Variants in DYM observed in about 807,000 individuals in gnomAD.
DYM encodes the protein dyggve-Melchior-Clausen syndrome protein.
Under a neutral mutation model 93.1 loss-of-function variants are expected in DYM, and 78 were observed. The ratio of observed to expected loss-of-function variants is 0.84; its 90% CI spans 0.70 to 1.01. The LOEUF (loss-of-function observed/expected upper bound fraction) is 1.01. DYM is among the 50% of genes least tolerant of loss of function. DYM has a pLI of 0.00. For missense variants in DYM, 789 were observed against 845.0 expected (o/e 0.93, Z 0.82); for synonymous variants, 321 against 319.7 (o/e 1.00, Z -0.04).
intron 10 of DYM, among the ~76,000 whole-genome samples, chr18:49,279,677 C>T (rs1453090900): frequency 6.6e-6 from 1 of 152,174 alleles, no homozygotes; most frequent in African/African-American, 2.4e-5. Context: ...AGGTTTCCTG[C>T]TTATTGCCAA....
At chr18:49,205,112 C>T in intron 14 of DYM, among the ~76,000 whole-genome samples, 1 of 152,236 alleles carries the variant, frequency 6.6e-6, no homozygotes, top group East Asian at 1.9e-4. Flanking sequence ...AGGCATGTAC[C>T]ACTACACCCA....
intron 14 of DYM, among the ~76,000 whole-genome samples, chr18:49,165,665 T>A (rs1347592160): frequency 6.6e-6 from 1 of 152,184 alleles, no homozygotes; most frequent in Admixed American, 6.5e-5. Context: ...ATGAATATTA[T>A]TTACATTTAT....
At chr18:49,171,799 C>A (rs2088772760) in intron 14 of DYM, among the ~76,000 whole-genome samples, 1 of 152,134 alleles carries the variant, frequency 6.6e-6, no homozygotes, top group Non-Finnish European at 1.5e-5. Flanking sequence ...GCTTCTGAAC[C>A]ACTGGTGGTC....
chr18:49,293,588 C>T (rs1422705583), intron 8 of DYM, among the ~76,000 whole-genome samples: 2 of 151,918 alleles, frequency 1.3e-5, no homozygotes, highest in Admixed American at 6.6e-5. Context: ...TGATGATGAG[C>T]TTTCATATGT....
chr18:49,080,765 G>A (rs183952928), intron 17 of DYM, among the ~76,000 whole-genome samples: 13,295 of 143,346 alleles, frequency 0.093, 866 homozygotes, highest in East Asian at 0.23. Flanking sequence ...CCGGGCGGAG[G>A]GGCTCCTCAC....
chr18:49,301,855 G>T (rs1162779238), intron 8 of DYM, among the ~76,000 whole-genome samples: 2 of 152,176 alleles, frequency 1.3e-5, no homozygotes, highest in Non-Finnish European at 2.9e-5. Flanking sequence ...TCACAGTCAT[G>T]TGTGGTGCCC....
At chr18:49,319,089 G>A (rs1161224508) in intron 8 of DYM, among the ~76,000 whole-genome samples, 1 of 152,068 alleles carries the variant, frequency 6.6e-6, no homozygotes, top group Non-Finnish European at 1.5e-5. Flanking sequence ...ACAGGCGTGA[G>A]CCACGCAACC....
At chr18:49,254,340 G>C (rs1481013574) in intron 13 of DYM, among the ~76,000 whole-genome samples, 1 of 138,000 alleles carries the variant, frequency 7.2e-6, no homozygotes, top group East Asian at 2.4e-4. Flanking sequence ...ACATAGATGG[G>C]TCCTGGTCTT....
chr18:49,400,143 G>A (rs1329889779), intron 2 of DYM, among the ~76,000 whole-genome samples: 1 of 151,814 alleles, frequency 6.6e-6, no homozygotes, highest in Non-Finnish European at 1.5e-5. Context: ...GTTTCACCAT[G>A]TTGGCCAGAC....
At chr18:49,333,319 G>T (rs893220257) in intron 7 of DYM, among the ~76,000 whole-genome samples, 2 of 152,222 alleles carry the variant, frequency 1.3e-5, no homozygotes, top group African/African-American at 4.8e-5. Context: ...CAGCGAAGAG[G>T]CTGCTGGAGA....
At chr18:49,441,031 AT>A in intron 1 of DYM, among the ~76,000 whole-genome samples, 1 of 8,178 alleles carries the variant, frequency 1.2e-4, no homozygotes, top group Non-Finnish European at 2.5e-4. Flanking sequence ...ATATTTATAT[AT>A]AATATATAAA....
At chr18:49,181,065 C>T (rs538643691) in intron 14 of DYM, among the ~76,000 whole-genome samples, 6 of 152,246 alleles carry the variant, frequency 3.9e-5, no homozygotes, top group African/African-American at 1.2e-4. Context: ...GGCTGCAGGC[C>T]GTTAGTATGC....
intron 8 of DYM, among the ~76,000 whole-genome samples, chr18:49,287,944 T>C (rs1168273240): frequency 6.6e-6 from 1 of 152,040 alleles, no homozygotes; most frequent in Admixed American, 6.6e-5. Flanking sequence ...GTGCTATAAG[T>C]GTAAAATACA....
intron 13 of DYM, among the ~76,000 whole-genome samples, chr18:49,214,653 T>C (rs116543021): frequency 0.011 from 1,640 of 152,228 alleles, 29 homozygotes; most frequent in African/African-American, 0.038. Flanking sequence ...TTGGTGGTTA[T>C]GAACAATTTC....
intron 15 of DYM, among the ~76,000 whole-genome samples, chr18:49,135,775 G>A (rs769513311): frequency 1.4e-4 from 21 of 152,186 alleles, no homozygotes; most frequent in Non-Finnish European, 2.8e-4. Context: ...GTGAATCTGA[G>A]ATCTTTAAGA....
At chr18:49,243,951 C>T (rs547652484) in intron 13 of DYM, among the ~76,000 whole-genome samples, 5 of 152,228 alleles carry the variant, frequency 3.3e-5, no homozygotes, top group South Asian at 4.1e-4. Flanking sequence ...AATACTCTTA[C>T]GCTTCAATAT....
intron 17 of DYM, among the ~76,000 whole-genome samples, chr18:49,082,144 A>T (rs2078101499): frequency 6.6e-6 from 1 of 152,236 alleles, no homozygotes; most frequent in African/African-American, 2.4e-5. Flanking sequence ...GTGATTTCCC[A>T]GGCCAGAAAT....
chr18:49,345,572 G>GA (rs1279281816), intron 6 of DYM, among the ~76,000 whole-genome samples: 2 of 152,004 alleles, frequency 1.3e-5, no homozygotes, highest in Non-Finnish European at 2.9e-5. Context: ...CCTAAGGTAG[G>GA]AATACACCTA....
At chr18:49,240,847 A>G (rs1431104213) in intron 13 of DYM, among the ~76,000 whole-genome samples, 1 of 152,220 alleles carries the variant, frequency 6.6e-6, no homozygotes, top group Admixed American at 6.5e-5. Flanking sequence ...ACAACAGAAA[A>G]TATCAAAAAG....
Sources: allele counts gnomAD v4.1 joint callset (sites outside exome capture counted in the v4.1 genomes callset), GRCh38; gene constraint gnomAD v4.1.1; transcripts MANE v1.5; gene names NCBI Gene and HGNC (gene_info 2026-07-23, HGNC 2026-07-21).